The following ARHGEF28 variants were observed in gnomAD, a reference collection of about 807,000 sequenced individuals.
ARHGEF28 encodes 190 kDa guanine nucleotide exchange factor.
In ARHGEF28, 152 loss-of-function variants were observed where a neutral mutation model predicts 206.6. That is an observed-to-expected ratio of 0.74 (90% confidence interval 0.64 to 0.84). The LOEUF (loss-of-function observed/expected upper bound fraction) is 0.84. Among genes scored for constraint, ARHGEF28 ranks in the 40% least tolerant of loss-of-function variants. ARHGEF28 has a pLI of 0.00. For missense variants in ARHGEF28, 2,028 were observed against 2,073.2 expected (o/e 0.98, Z 0.42); for synonymous variants, 763 against 776.4 (o/e 0.98, Z 0.29).
At chr5:73,930,629 G>A (rs905662626) in intron 35 of ARHGEF28, among the ~76,000 whole-genome samples, 3 of 152,198 alleles carry the variant, frequency 2.0e-5, no homozygotes, top group African/African-American at 7.2e-5. Flanking sequence ...TCAACTGCAA[G>A]TGCAGAAACT....
Position 73,849,666 on chromosome 5 carries a change from C to A in ARHGEF28, c.1747+579C>A, listed in dbSNP as rs184122170. On this transcript the variant is annotated intron_variant, in intron 13 of 35. Coordinates refer to ENST00000513042, the MANE Select transcript of ARHGEF28 (RefSeq NM_001177693.2). ...TGTAGGATACATACAAAAAGGAGTG[C>A]AAATCATAAATATGCATCTTGAATT... Among the ~76,000 whole-genome samples the A allele has an allele frequency of 1.1e-3, 163 of 152,044 alleles. 1 individual carries two copies. The highest frequency in any genetic ancestry group is 3.8e-3 in the African/African-American group (159 of 41,520).
At chr5:73,875,356 C>G (rs1251038989) in intron 22 of ARHGEF28, among the ~76,000 whole-genome samples, 1 of 150,488 alleles carries the variant, frequency 6.6e-6, no homozygotes, top group Non-Finnish European at 1.5e-5. Flanking sequence ...AAATTTTCTC[C>G]CATTTTGTAG....
At chr5:73,915,558 A>T (rs1292367312) in intron 35 of ARHGEF28, among the ~76,000 whole-genome samples, 3 of 151,684 alleles carry the variant, frequency 2.0e-5, no homozygotes, top group African/African-American at 7.3e-5. Flanking sequence ...GAATTTCCTT[A>T]AACAATAGTC....
At chr5:73,900,181 A>G (rs114098489) in intron 30 of ARHGEF28, 1 of 152,134 alleles carries the variant, frequency 6.6e-6, no homozygotes, top group South Asian at 2.1e-4. Flanking sequence ...ATCCTAGAGG[A>G]CTCTCATTTT....
Position 73,637,463 on chromosome 5 carries a change from A to G in ARHGEF28, c.-12+11141A>G, listed in dbSNP as rs538598346. ...TATGAAAGAAAACACACTTGTGCTT[A>G]TAAAAAGGTAGTATTTTAAAGCATG... On this transcript the variant is annotated intron_variant, in intron 1 of 35. Coordinates refer to ENST00000513042, the MANE Select transcript of ARHGEF28 (RefSeq NM_001177693.2). Among the ~76,000 whole-genome samples, 3 of 152,236 alleles carry G rather than the reference A, an allele frequency of 2.0e-5. No individual in the cohort carries two copies. In the South Asian group the frequency reaches 6.2e-4, roughly 31 times the overall value.
Position 73,868,096 on chromosome 5 carries a change from C to G in ARHGEF28, c.2298-4C>G, listed in dbSNP as rs1178352741. The G allele has an allele frequency of 6.2e-7, 1 of 1,612,460 alleles. No individual in the cohort carries two copies. The highest frequency in any genetic ancestry group is 1.3e-5 in the African/African-American group (1 of 74,888). ...CTAACTTTGCTCCCCTCCCTCTCTC[C>G]TAGCTTCAGGAGGTCAGCCACATCC... On this transcript the variant is annotated splice_region_variant and splice_polypyrimidine_tract_variant and intron_variant, in intron 19 of 35. Transcript: ENST00000513042.
intron 2 of ARHGEF28, among the ~76,000 whole-genome samples, chr5:73,715,191 T>C (rs151159104): frequency 2.6e-4 from 40 of 152,256 alleles, no homozygotes; most frequent in African/African-American, 9.1e-4. Context: ...AGAAAAGAGA[T>C]AGGAACAACA....
chr5:73,914,467 G>A (rs1168505428), intron 35 of ARHGEF28, among the ~76,000 whole-genome samples: 4 of 143,070 alleles, frequency 2.8e-5, no homozygotes, highest in East Asian at 2.1e-4. Context: ...TAATATCTTG[G>A]CTCACTGCAA....
At chr5:73,700,686 G>A (rs1046385532) in intron 2 of ARHGEF28, among the ~76,000 whole-genome samples, 1 of 152,156 alleles carries the variant, frequency 6.6e-6, no homozygotes, top group Admixed American at 6.5e-5. Flanking sequence ...AGTACACGAA[G>A]TACATTGATT....
At chr5:73,761,107 G>T (rs2112421921) in intron 4 of ARHGEF28, among the ~76,000 whole-genome samples, 1 of 147,678 alleles carries the variant, frequency 6.8e-6, no homozygotes, top group Non-Finnish European at 1.5e-5. Context: ...GACTGTAGAA[G>T]GTTTTTGAAG....
intron 2 of ARHGEF28, among the ~76,000 whole-genome samples, chr5:73,706,966 G>C (rs1445125574): frequency 6.6e-6 from 1 of 152,186 alleles, no homozygotes; most frequent in Non-Finnish European, 1.5e-5. Context: ...CCTTGTTCTA[G>C]ACTAGTAGCC....
At chr5:73,837,175 AT>A (rs371676561) in intron 10 of ARHGEF28, among the ~76,000 whole-genome samples, 3 of 151,362 alleles carry the variant, frequency 2.0e-5, no homozygotes, top group Admixed American at 1.3e-4. Context: ...AAATTTCAGG[AT>A]TTTTTTTTCT....
chr5:73,715,180 C>A (rs563755606), intron 2 of ARHGEF28, among the ~76,000 whole-genome samples: 1 of 152,278 alleles, frequency 6.6e-6, no homozygotes, highest in South Asian at 2.1e-4. Context: ...AAACCAAGCT[C>A]AGAAAAGAGA....
At chr5:73,893,088 T>C (rs1279363720) in intron 27 of ARHGEF28, 109 bp from the exon 28 acceptor site, 2 of 907,388 alleles carry the variant, frequency 2.2e-6, no homozygotes, top group East Asian at 2.9e-5. Flanking sequence ...TATGCTGAAA[T>C]TTTCTCCTTT....
At chr5:73,903,128 G>GGCTA (rs1561499844) in intron 31 of ARHGEF28, 1 of 152,136 alleles carries the variant, frequency 6.6e-6, no homozygotes. Context: ...GCGGAGGTCT[G>GGCTA]GCTAGCTCAT....
Position 73,708,295 on chromosome 5 carries a change from C to T in ARHGEF28, c.33+23411C>T, listed in dbSNP as rs543221535. Among the ~76,000 whole-genome samples, 178 of 152,064 alleles carry T rather than the reference C, an allele frequency of 1.2e-3. 1 individual carries two copies. The highest frequency in any genetic ancestry group is 0.01 in the Admixed American group (153 of 15,256). The stretch of plus-strand genomic sequence containing the variant: ...GAAGTTTGGGGCACAATTGATCTCG[C>T]TACCCAGACACTGAGCATAGTAGCC... On this transcript the variant is annotated intron_variant, in intron 2 of 35. Coordinates refer to ENST00000513042, the MANE Select transcript of ARHGEF28 (RefSeq NM_001177693.2).
chr5:73,740,917 T>A (rs1480596881), intron 2 of ARHGEF28, among the ~76,000 whole-genome samples: 1 of 152,180 alleles, frequency 6.6e-6, no homozygotes, highest in Non-Finnish European at 1.5e-5. Flanking sequence ...AACTTGTGTC[T>A]AACTGTTAAA....
Position 73,868,185 on chromosome 5 carries a change from T to G in ARHGEF28, c.2383T>G (p.Ser795Ala), listed in dbSNP as rs1759834472. 2.5e-6 allele frequency: 4 copies of G among 1,599,078 alleles called. No individual in the cohort carries two copies. In the South Asian group the frequency reaches 3.4e-5, roughly 14 times the overall value. Reference sequence around the variant, plus strand: ...GTCTCATTCTGATGAGCTGCTACAGTCCATGGGCTCTTCTCCCTCTACAGA... The same window carrying G: ...GTCTCATTCTGATGAGCTGCTACAGGCCATGGGCTCTTCTCCCTCTACAGA... ...SRSHSDELLQ[S>A]MGSSPSTESF... The change falls in exon 20 of 36, where the codon TCC becomes GCC. Residue 795 changes from serine (S) to alanine (A), a missense_variant. Ser to Ala is a moderately conservative substitution (Grantham distance 99, BLOSUM62 1). Coordinates refer to ENST00000513042, the MANE Select transcript of ARHGEF28 (RefSeq NM_001177693.2).
chr5:73,752,996 C>A lies in ARHGEF28; in HGVS notation c.269C>A (p.Thr90Asn). 2.5e-6 allele frequency: 4 copies of A among 1,613,538 alleles called. No individual in the cohort carries two copies. The South Asian group carries it at 4.4e-5, about 18-fold the overall frequency. The change falls in exon 4 of 36, where the codon ACC becomes AAC. Residue 90 changes from threonine (T) to asparagine (N), a missense_variant. Transcript: ENST00000513042. ...SPVTMGSGSV[T>N]YVDNMACRLA... ...GTGACCATGGGCTCTGGCTCAGTGA[C>A]CTACGTGGACAACATGGCTTGCAGG...
Sources: gnomAD v4.1 joint callset for allele counts (sites outside exome capture counted in the v4.1 genomes callset) on GRCh38, gnomAD v4.1.1 for gene constraint, MANE v1.5 for transcripts, NCBI Gene and HGNC (gene_info 2026-07-23, HGNC 2026-07-21) for gene names.